The following SP140 variants were observed in gnomAD, a reference collection of about 807,000 sequenced individuals.
SP140 encodes nuclear body protein SP140.
A neutral mutation model predicts 125.0 loss-of-function variants in SP140; 81 were observed. The ratio of observed to expected loss-of-function variants is 0.65; its 90% confidence interval spans 0.54 to 0.78. SP140 has a LOEUF of 0.78. SP140 is among the 30% of genes least tolerant of loss of function. The probability of loss-of-function intolerance (pLI) is 0.00; values close to 1 mark genes in which losing one functional copy is unlikely to be tolerated. For missense variants in SP140, 858 were observed against 1,037.0 expected, an observed-to-expected ratio of 0.83 and a Z score of 2.37; for synonymous variants, 312 against 354.0, an observed-to-expected ratio of 0.88 and a Z score of 1.33.
chr2:230,206,013 C>T (rs570092404), intron 1 of SP140, among the ~76,000 whole-genome samples: 2 of 152,262 alleles, frequency 1.3e-5, no homozygotes, highest in African/African-American at 4.8e-5. Flanking sequence ...AGCAGCTTGT[C>T]TCTCCTTCCT....
At chr2:230,306,331 G>C (rs2058757401) in intron 22 of SP140, among the ~76,000 whole-genome samples, 1 of 152,216 alleles carries the variant, frequency 6.6e-6, no homozygotes, top group African/African-American at 2.4e-5. Context: ...GTGTGAGGTT[G>C]GCTGGGGCAC....
At position 230,246,236 on chromosome 2, in the gene SP140, CA is replaced by C. The variant is rs1387171500; in HGVS notation, c.742+297del. Among the ~76,000 whole-genome samples the C allele has an allele frequency of 9.2e-5, 14 of 152,218 alleles. 1 individual carries two copies. Among genetic ancestry groups the C allele is most frequent in the Admixed American group, 9.2e-4 (14 of 15,278 alleles). On this transcript the variant is annotated intron_variant, in intron 7 of 26. Transcript: ENST00000392045. ...ACAAGTAGCAAAAGAAGGATGAGCTCAGACTGGTTGGGGCTTTCCTGCATAT... is the reference window on the plus strand; with the variant it reads ...ACAAGTAGCAAAAGAAGGATGAGCTCGACTGGTTGGGGCTTTCCTGCATAT...
intron 24 of SP140, 151 bp downstream of exon 24, chr2:230,311,002 A>G: frequency 1.1e-6 from 1 of 875,742 alleles, no homozygotes; most frequent in South Asian, 1.8e-5. Context: ...TTGTTTGCAC[A>G]AAAAATAACT....
chr2:230,248,088 C>T, intron 8 of SP140, 23 bp downstream of exon 8: 1 of 1,610,602 alleles, frequency 6.2e-7, no homozygotes, highest in Non-Finnish European at 8.5e-7. Context: ...GAAGCAGAGA[C>T]ATGTGTCAAG....
chr2:230,209,948 G>A (rs1385091179), intron 1 of SP140: 1 of 1,605,268 alleles, frequency 6.2e-7, no homozygotes, highest in Non-Finnish European at 8.5e-7. Flanking sequence ...GTCTGAAGGT[G>A]TGCTGGACAC....
intron 1 of SP140, among the ~76,000 whole-genome samples, chr2:230,235,315 G>A (rs967963153): frequency 4.6e-5 from 7 of 152,138 alleles, no homozygotes; most frequent in Admixed American, 2.0e-4. Context: ...ATAGCAATGA[G>A]TACCCCTCAG....
rs1321321186 is a variant in SP140 at position 230,311,738 on chromosome 2, G to C, written c.2505+143G>C. 2.9e-6 allele frequency: 3 copies of C among 1,035,816 alleles called. No homozygotes were observed. The East Asian group carries it at 7.4e-5, about 25-fold the overall frequency. The allele number at this position is 1,035,816 out of a possible 1,614,324, so 64.2% of individuals were successfully genotyped here. ...GAAGTGATTGATTGGTTTCAGTTCAGAACTTAAGCTCTTCTTAGCAAAGAA... is the reference window on the plus strand; with the variant it reads ...GAAGTGATTGATTGGTTTCAGTTCACAACTTAAGCTCTTCTTAGCAAAGAA... On this transcript the variant is annotated intron_variant, in intron 26 of 26. Coordinates refer to ENST00000392045, the MANE Select transcript of SP140 (RefSeq NM_007237.5).
At chr2:230,286,889 G>C (rs957091017) in intron 17 of SP140, among the ~76,000 whole-genome samples, 4 of 152,144 alleles carry the variant, frequency 2.6e-5, no homozygotes, top group Admixed American at 1.3e-4. Context: ...GATATGCTTA[G>C]AACTTATAGT....
At position 230,253,429 on chromosome 2, in the gene SP140, G is replaced by A. The variant is rs2149241648; in HGVS notation, c.1159+12G>A. On this transcript the variant is annotated intron_variant, in intron 11 of 26. Coordinates refer to ENST00000392045, the MANE Select transcript of SP140 (RefSeq NM_007237.5). ...AGGTGAAGGAGAAGGTAATTATGAT[G>A]TACATTTTTAGGTATTTGAGTACAT... The A allele has an allele frequency of 6.4e-7, 1 of 1,574,602 alleles. No individual in the cohort carries two copies. The highest frequency in any genetic ancestry group is 8.7e-7 in the Non-Finnish European group (1 of 1,144,334).
the SP140 span, among the ~76,000 whole-genome samples, chr2:230,195,609 C>T: frequency 6.6e-6 from 1 of 152,034 alleles, no homozygotes; most frequent in South Asian, 2.1e-4. Flanking sequence ...GGATTACAGG[C>T]ATGAGCCGGC....
At chr2:230,251,092 C>T in intron 10 of SP140, 31 bp downstream of exon 10, 4 of 1,579,376 alleles carry the variant, frequency 2.5e-6, no homozygotes, top group Non-Finnish European at 3.5e-6. Flanking sequence ...TGGCCCTGGG[C>T]TGCAGAGTGT....
downstream of SP140, among the ~76,000 whole-genome samples, chr2:230,314,913 C>A (rs77926108): frequency 6.6e-6 from 1 of 152,192 alleles, no homozygotes; most frequent in African/African-American, 2.4e-5. Context: ...TGAAAGAGTT[C>A]CAGCATAACA....
At chr2:230,199,829 T>C (rs567807059), upstream of SP140, among the ~76,000 whole-genome samples, 4 of 152,336 alleles carry the variant, frequency 2.6e-5, no homozygotes, top group South Asian at 4.1e-4. Flanking sequence ...CAATAGTGAA[T>C]TGACAAAGGT....
intron 1 of SP140, among the ~76,000 whole-genome samples, chr2:230,228,281 G>T (rs1175765680): frequency 6.6e-6 from 1 of 152,084 alleles, no homozygotes; most frequent in Non-Finnish European, 1.5e-5. Context: ...TTTTAAATTT[G>T]TTAAGGTATG....
chr2:230,309,365 T>G, intron 22 of SP140, among the ~76,000 whole-genome samples: 1 of 152,112 alleles, frequency 6.6e-6, no homozygotes, highest in East Asian at 1.9e-4. Flanking sequence ...CACCTGGTCA[T>G]CTCCACCCAC....
chr2:230,253,473 A>G, intron 11 of SP140, 56 bp downstream of exon 11: 7 of 1,339,262 alleles, frequency 5.2e-6, no homozygotes, highest in South Asian at 3.5e-5. Context: ...TCCAGTTGGC[A>G]TGGGAAAAAA....
intron 19 of SP140, among the ~76,000 whole-genome samples, chr2:230,290,813 G>A (rs1252735686): frequency 6.6e-6 from 1 of 152,206 alleles, no homozygotes; most frequent in East Asian, 1.9e-4. Flanking sequence ...TCAATTCACA[G>A]ATGAAAAATG....
the SP140 span, among the ~76,000 whole-genome samples, chr2:230,194,056 G>A: frequency 6.6e-6 from 1 of 152,128 alleles, no homozygotes; most frequent in African/African-American, 2.4e-5. Flanking sequence ...GGAAGAAGAG[G>A]CCAGGGAGGG....
intron 1 of SP140, among the ~76,000 whole-genome samples, chr2:230,233,736 G>A (rs959828727): frequency 3.3e-4 from 51 of 152,318 alleles, no homozygotes; most frequent in African/African-American, 1.2e-3. Flanking sequence ...ATTAGCCAGA[G>A]GATTAGCATT....
Sources: gnomAD v4.1 joint callset for allele counts (sites outside exome capture counted in the v4.1 genomes callset) on GRCh38, gnomAD v4.1.1 for gene constraint, MANE v1.5 for transcripts, NCBI Gene and HGNC (gene_info 2026-07-23, HGNC 2026-07-21) for gene names.